Variants in SREK1 observed in about 807,000 individuals in gnomAD.
SREK1 encodes the protein splicing regulatory glutamic acid and lysine rich protein 1.
A neutral mutation model predicts 66.5 loss-of-function variants in SREK1; 13 were observed. The observed-to-expected ratio is 0.20, with a 90% CI of 0.13 to 0.31. The LOEUF is 0.31. Ranked by LOEUF, SREK1 falls within the 10% of genes least tolerant of loss-of-function variation. The probability of loss-of-function intolerance (pLI) is 1.00; values close to 1 mark genes in which losing one functional copy is unlikely to be tolerated. For missense variants in SREK1, 607 were observed against 769.6 expected, an observed-to-expected ratio of 0.79 and a Z score of 2.50; for synonymous variants, 265 against 263.5, an observed-to-expected ratio of 1.01 and a Z score of -0.05.
chr5:66,171,816 T>C (rs1351453307), intron 9 of SREK1, among the ~76,000 whole-genome samples: 3 of 152,234 alleles, frequency 2.0e-5, no homozygotes, highest in Non-Finnish European at 4.4e-5. Flanking sequence ...TTGTGCACTT[T>C]ACTGTATGCC....
rs1039355985 is a variant in SREK1, at chr5:66,180,131, T to A, written c.*1263T>A. 3.9e-5 allele frequency: 6 copies of A among 152,232 alleles called. No homozygotes were observed. The highest frequency in any genetic ancestry group is 2.1e-4 in the South Asian group (1 of 4,818). The allele number at this position is 152,232 out of a possible 1,614,324, so 9.4% of individuals were successfully genotyped here. A position where few individuals can be genotyped will look rare whatever the true frequency, so the allele number is the denominator to read the frequency against. ...TAAGGACTTAGGAGTATATGGGAGG[T>A]TATTGGTTTTATGTTTAAGGATACG... On this transcript the variant is annotated 3_prime_UTR_variant, in exon 12 of 12. Coordinates refer to ENST00000334121, the MANE Select transcript of SREK1 (RefSeq NM_001077199.3).
At position 66,170,747 on chromosome 5, in the gene SREK1, C is replaced by T. The variant is rs1481281562; in HGVS notation, c.1284C>T (p.Asp428=). The T allele has an allele frequency of 6.3e-7, 1 of 1,598,108 alleles. No homozygotes were observed. Among genetic ancestry groups the T allele is most frequent in the Non-Finnish European group, 8.5e-7 (1 of 1,172,364 alleles). ...DKEREKDREK[D]KEKDRERERE... is the part of the protein sequence containing the mutation. ...AACGGGAAAAGGACCGGGAAAAAGA[C>T]AAGGAAAAGGACAGAGAGAGAGAAC... is the stretch of plus-strand genomic sequence containing the variant. Residue 428 remains aspartate (D), a synonymous_variant, in exon 9 of 12, where the codon GAC becomes GAT. Coordinates refer to ENST00000334121, the MANE Select transcript of SREK1 (RefSeq NM_001077199.3).
intron 1 of SREK1, among the ~76,000 whole-genome samples, chr5:66,150,389 G>T (rs1014548998): frequency 2.6e-5 from 4 of 152,204 alleles, no homozygotes; most frequent in African/African-American, 9.7e-5. Context: ...AGTTAGCGAG[G>T]ACATCGTAAC....
At chr5:66,166,991 C>G (rs920183722) in intron 7 of SREK1, 2 of 152,226 alleles carry the variant, frequency 1.3e-5, no homozygotes, top group African/African-American at 4.8e-5. Context: ...ATAGGCCTTT[C>G]TTGACATTTC....
chr5:66,161,339 C>T (rs896305977), intron 3 of SREK1, among the ~76,000 whole-genome samples: 1 of 152,154 alleles, frequency 6.6e-6, no homozygotes, highest in East Asian at 1.9e-4. Context: ...CTTTTGTGGT[C>T]GTTCGTGGAC....
At chr5:66,169,870 G>GT in intron 7 of SREK1, 181 bp from the exon 8 acceptor site, 1 of 470,558 alleles carries the variant, frequency 2.1e-6, no homozygotes, top group Non-Finnish European at 3.7e-6. Context: ...TTCTGTCTCT[G>GT]TTCTAGACAA....
At chr5:66,171,977 AT>A (rs1162005544) in intron 9 of SREK1, among the ~76,000 whole-genome samples, 3 of 152,188 alleles carry the variant, frequency 2.0e-5, no homozygotes, top group Admixed American at 6.5e-5. Context: ...TATTTTAGAG[AT>A]TAAGTTTGAG....
At chr5:66,152,182 C>T (rs1437579850) in intron 1 of SREK1, among the ~76,000 whole-genome samples, 1 of 152,124 alleles carries the variant, frequency 6.6e-6, no homozygotes, top group African/African-American at 2.4e-5. Flanking sequence ...TTTAATTAGC[C>T]TTACTAATTG....
chr5:66,178,640 T>TA, intron 11 of SREK1, 79 bp from the exon 12 acceptor site: 1 of 1,382,830 alleles, frequency 7.2e-7, no homozygotes, highest in Non-Finnish European at 9.6e-7. Context: ...TTGCAAAAGA[T>TA]AAAGTTTCAC....
Position 66,167,564 on chromosome 5 carries a change from A to G in SREK1, c.1002-2487A>G, listed in dbSNP as rs978923217. Reference sequence around the variant, plus strand: ...AGTTAGATTAGATCTGCTCTTGACTACTTCTAGCATTCTTAATCAGAAAAC... The same window carrying G: ...AGTTAGATTAGATCTGCTCTTGACTGCTTCTAGCATTCTTAATCAGAAAAC... On this transcript the variant is annotated intron_variant, in intron 7 of 11. Coordinates refer to ENST00000334121, the MANE Select transcript of SREK1 (RefSeq NM_001077199.3). The G allele has an allele frequency of 3.9e-5, 6 of 152,204 alleles. No individual in the cohort carries two copies. The South Asian group carries it at 1.2e-3, about 31-fold the overall frequency. 9.4% of individuals were successfully genotyped at this position (152,204 alleles called of 1,614,324 possible). A position where few individuals can be genotyped will look rare whatever the true frequency, so the allele number is the denominator to read the frequency against.
intron 7 of SREK1, chr5:66,169,475 A>T (rs895368311): frequency 6.6e-6 from 1 of 152,214 alleles, no homozygotes; most frequent in Non-Finnish European, 1.5e-5. Flanking sequence ...TGAAATTCAA[A>T]ACACTTTTGG....
At chr5:66,166,437 G>A (rs533151992) in intron 7 of SREK1, 4 of 152,236 alleles carry the variant, frequency 2.6e-5, no homozygotes, top group African/African-American at 7.2e-5. Context: ...TACACACAAT[G>A]TCTGCGTAGC....
Position 66,183,396 on chromosome 5 carries a change from A to G in SREK1, c.*4528A>G, listed in dbSNP as rs1746653785. The G allele has an allele frequency of 6.6e-6, 1 of 152,162 alleles. No individual in the cohort carries two copies. Among genetic ancestry groups the G allele is most frequent in the Admixed American group, 6.5e-5 (1 of 15,278 alleles). 9.4% of individuals were successfully genotyped at this position (152,162 alleles called of 1,614,324 possible). Reference sequence around the variant, plus strand: ...ATTTGAGTATACTGTGTAGCTGTGTAGATCAACTTAATGCTTAAAAAATTA... The same window carrying G: ...ATTTGAGTATACTGTGTAGCTGTGTGGATCAACTTAATGCTTAAAAAATTA... On this transcript the variant is annotated 3_prime_UTR_variant, in exon 12 of 12. Transcript: ENST00000334121.
At chr5:66,148,301 T>A (rs1417108341) in intron 1 of SREK1, among the ~76,000 whole-genome samples, 5 of 151,218 alleles carry the variant, frequency 3.3e-5, no homozygotes, top group African/African-American at 1.2e-4. Context: ...TCCTCTGTCC[T>A]CTAAAGGATG....
At chr5:66,156,343 G>A in intron 2 of SREK1, 1 of 1,278,942 alleles carries the variant, frequency 7.8e-7, no homozygotes, top group Non-Finnish European at 9.8e-7. Context: ...CTTTGTAAAT[G>A]GTATTTCATT....
chr5:66,153,293 A>G (rs1399423393), intron 1 of SREK1, among the ~76,000 whole-genome samples, 170 bp from the exon 2 acceptor site: 1 of 152,234 alleles, frequency 6.6e-6, no homozygotes, highest in Admixed American at 6.5e-5. Flanking sequence ...ACAAATCACC[A>G]TTAAATGACT....
intron 6 of SREK1, 185 bp downstream of exon 6, chr5:66,164,107 G>T (rs1012037510): frequency 4.6e-6 from 3 of 655,528 alleles, no homozygotes; most frequent in African/African-American, 3.7e-5. Flanking sequence ...ATCTCTTTCT[G>T]TGATACTGAA....
intron 1 of SREK1, among the ~76,000 whole-genome samples, chr5:66,149,306 C>T (rs559482981): frequency 1.3e-4 from 20 of 151,862 alleles, no homozygotes; most frequent in African/African-American, 2.2e-4. Context: ...GCCGGGATCC[C>T]GCCATTGCAC....
At chr5:66,150,616 G>A (rs1237695950) in intron 1 of SREK1, among the ~76,000 whole-genome samples, 18 of 152,176 alleles carry the variant, frequency 1.2e-4, no homozygotes, top group Admixed American at 1.2e-3. Context: ...GTTGGGTGCT[G>A]TGTGATTTCT....
Sources: gnomAD v4.1 joint callset for allele counts (sites outside exome capture counted in the v4.1 genomes callset) on GRCh38, gnomAD v4.1.1 for gene constraint, MANE v1.5 for transcripts, NCBI Gene and HGNC (gene_info 2026-07-23, HGNC 2026-07-21) for gene names.